CTPS2: variants seen among roughly 807,000 people sequenced by gnomAD.
The protein encoded by CTPS2 is CTP synthase II.
A neutral mutation model predicts 46.8 loss-of-function variants in CTPS2; 19 were observed. That is an observed-to-expected ratio of 0.41 (90% CI 0.28 to 0.60). The LOEUF is 0.60. Ranked by LOEUF, CTPS2 falls within the 20% of genes least tolerant of loss-of-function variation. The pLI is 0.35. For synonymous variants in CTPS2, 151 were observed against 165.2 expected (o/e 0.91, Z 0.66); for missense variants, 286 against 447.6 (o/e 0.64, Z 3.26).
At chrX:16,661,305 T>G (rs1932947058) in intron 13 of CTPS2, among the ~76,000 whole-genome samples, 1 of 112,050 alleles carries the variant, frequency 8.9e-6, no homozygotes, top group African/African-American at 3.2e-5. Context: ...AAAGGATTTT[T>G]AGCCCTAACT....
rs1421821273 is a variant in CTPS2, at chrX:16,620,351, G to A, written c.1394-19C>T. The A allele has an allele frequency of 2.6e-6, 3 of 1,147,357 alleles. No homozygotes were observed. Among genetic ancestry groups the A allele is most frequent in the Admixed American group, 4.4e-5 (2 of 45,334 alleles). 94.6% of individuals were successfully genotyped at this position (1,147,357 alleles called of 1,213,427 possible). On this transcript the variant is annotated intron_variant, in intron 14 of 18. Transcript: ENST00000359276. ...AGTTTCCCTGTAAAGATACAAGAGC[G>A]AGATTAATATTAGAGTAAGCAGCTT...
chrX:16,662,061 A>G lies in CTPS2; in HGVS notation c.1296+5453T>C, dbSNP rs150251426. Among the ~76,000 whole-genome samples the G allele has an allele frequency of 1.1e-4, 12 of 107,266 alleles. No homozygotes were observed. The East Asian group carries it at 3.6e-3, about 32-fold the overall frequency. The allele number at this position is 107,266 out of a possible 115,157, so 93.1% of individuals were successfully genotyped here. On this transcript the variant is annotated intron_variant, in intron 13 of 18. Transcript: ENST00000359276. The stretch of plus-strand genomic sequence containing the variant: ...AAAATATAAAGTCCAAAGTGCTGTG[A>G]ACTACACTACAGATGTACTGGAGAG...
At chrX:16,594,977 A>G (rs965920287) in intron 17 of CTPS2, among the ~76,000 whole-genome samples, 1 of 113,144 alleles carries the variant, frequency 8.8e-6, no homozygotes, top group African/African-American at 3.2e-5. Flanking sequence ...GCTCTTGCAC[A>G]TGCAATAAAA....
chrX:16,685,067 G>A (rs910503839), intron 8 of CTPS2, among the ~76,000 whole-genome samples: 4 of 111,177 alleles, frequency 3.6e-5, no homozygotes, highest in Non-Finnish European at 7.6e-5. Context: ...CTCCAGCCTG[G>A]GCGACAGAGC....
intron 13 of CTPS2, among the ~76,000 whole-genome samples, chrX:16,642,249 C>T (rs989259529): frequency 7.2e-5 from 8 of 111,758 alleles, no homozygotes; most frequent in Non-Finnish European, 1.9e-5. Flanking sequence ...GAAAGAAAAT[C>T]CAAGGTATAA....
At chrX:16,666,344 G>A (rs776728498) in intron 13 of CTPS2, among the ~76,000 whole-genome samples, 12 of 111,684 alleles carry the variant, frequency 1.1e-4, no homozygotes, top group African/African-American at 3.9e-4. Context: ...GGAAGTTGTT[G>A]GTAACTGAGT....
At chrX:16,631,208 C>T (rs746274537) in intron 14 of CTPS2, among the ~76,000 whole-genome samples, 92 of 111,159 alleles carry the variant, frequency 8.3e-4, no homozygotes, top group Non-Finnish European at 3.6e-4. Flanking sequence ...ATTAGCCAGG[C>T]GTGGTGGCGG....
Position 16,588,028 on chromosome X carries a change from T to C in CTPS2, c.*1789A>G, listed in dbSNP as rs1928702094. On this transcript the variant is annotated 3_prime_UTR_variant, in exon 19 of 19. Coordinates refer to ENST00000359276, the MANE Select transcript of CTPS2 (RefSeq NM_175859.3). ...GGTATATTCATACAATGGAATTTTA[T>C]TCAGCCATAGAAAGGAATGAAATTC... 1 of 112,084 alleles carries C rather than the reference T, an allele frequency of 8.9e-6. No homozygotes were observed. Among genetic ancestry groups the C allele is most frequent in the African/African-American group, 3.2e-5 (1 of 30,869 alleles). The allele number at this position is 112,084 out of a possible 1,213,427, so 9.2% of individuals were successfully genotyped here.
intron 18 of CTPS2, 116 bp downstream of exon 18, chrX:16,590,636 G>A (rs373691605): frequency 2.5e-6 from 1 of 403,068 alleles, no homozygotes; most frequent in Non-Finnish European, 4.3e-6. Context: ...CCAGTCAAAT[G>A]GGAGTATCTC....
intron 14 of CTPS2, among the ~76,000 whole-genome samples, chrX:16,629,005 T>G (rs754101215): frequency 8.9e-6 from 1 of 112,024 alleles, no homozygotes; most frequent in Non-Finnish European, 1.9e-5. Flanking sequence ...AAGAACCCCA[T>G]GAGGCGGCGC....
At chrX:16,659,072 C>G (rs1417799362) in intron 13 of CTPS2, among the ~76,000 whole-genome samples, 1 of 112,144 alleles carries the variant, frequency 8.9e-6, no homozygotes, top group African/African-American at 3.2e-5. Context: ...CAACGTTAGT[C>G]TATGGTTTGA....
At chrX:16,627,914 G>T (rs145743270) in intron 14 of CTPS2, among the ~76,000 whole-genome samples, 2 of 111,480 alleles carry the variant, frequency 1.8e-5, no homozygotes, top group Non-Finnish European at 3.8e-5. Context: ...CTTTGATTAA[G>T]GTCCAGCCGT....
intron 1 of CTPS2, among the ~76,000 whole-genome samples, chrX:16,710,234 A>G (rs776751630): frequency 1.8e-4 from 20 of 112,524 alleles, no homozygotes; most frequent in South Asian, 7.3e-4. Flanking sequence ...CAGAGAGGCC[A>G]AGAAGAATGT....
intron 14 of CTPS2, among the ~76,000 whole-genome samples, chrX:16,635,362 A>C (rs1464158824): frequency 8.9e-6 from 1 of 111,776 alleles, no homozygotes; most frequent in African/African-American, 3.3e-5. Context: ...GTTGACTAGG[A>C]GAAAAAAAAA....
intron 11 of CTPS2, among the ~76,000 whole-genome samples, chrX:16,668,994 A>ACGATGG: frequency 9.0e-6 from 1 of 111,407 alleles, no homozygotes; most frequent in Admixed American, 9.6e-5. Context: ...GTGACTTCAC[A>ACGATGG]GCCATAAACA....
rs146870342 is a variant in CTPS2, at chrX:16,632,327, G to A, written c.1393+6820C>T. On this transcript the variant is annotated intron_variant, in intron 14 of 18. Coordinates refer to ENST00000359276, the MANE Select transcript of CTPS2 (RefSeq NM_175859.3). ...GAGAAAAATGAGTTTTTAAAAAATC[G>A]AGGTATAATTTACATGCAACTAAAT... Among the ~76,000 whole-genome samples, 597 of 111,577 alleles carry A rather than the reference G, an allele frequency of 5.4e-3. 6 individuals are homozygous for A. The highest frequency in any genetic ancestry group is 0.018 in the African/African-American group (559 of 30,790).
chrX:16,609,949 T>C (rs1930181923), intron 16 of CTPS2, among the ~76,000 whole-genome samples: 1 of 112,142 alleles, frequency 8.9e-6, no homozygotes, highest in Non-Finnish European at 1.9e-5. Flanking sequence ...AGAATTCCAC[T>C]TTCCCCAAAT....
At chrX:16,617,029 A>G (rs755357918) in intron 16 of CTPS2, 121 bp downstream of exon 16, 96 of 504,732 alleles carry the variant, frequency 1.9e-4, no homozygotes, top group Non-Finnish European at 3.0e-4. Context: ...TTGTAGTTAC[A>G]TATTTGTTTC....
At chrX:16,662,925 C>T (rs910603108) in intron 13 of CTPS2, among the ~76,000 whole-genome samples, 5 of 110,854 alleles carry the variant, frequency 4.5e-5, no homozygotes, top group Non-Finnish European at 7.5e-5. Context: ...TGTGTTCGCG[C>T]GTGGGTGCAA....
Sources: gnomAD v4.1 joint callset for allele counts (sites outside exome capture counted in the v4.1 genomes callset) on GRCh38, gnomAD v4.1.1 for gene constraint, MANE v1.5 for transcripts, NCBI Gene and HGNC (gene_info 2026-07-23, HGNC 2026-07-21) for gene names.